XYLT1: variants seen among roughly 807,000 people sequenced by gnomAD.
XYLT1 encodes xylosyltransferase 1.
Under a neutral mutation model 91.3 loss-of-function variants are expected in XYLT1, and 36 were observed. The ratio of observed to expected loss-of-function variants is 0.39; its 90% CI spans 0.30 to 0.52. The LOEUF is 0.52. Among genes scored for constraint, XYLT1 ranks in the 20% least tolerant of loss-of-function variants. XYLT1 has a pLI of 0.68. For synonymous variants in XYLT1, 588 were observed against 532.0 expected, an observed-to-expected ratio of 1.11 and a Z score of -1.45; for missense variants, 1,242 against 1,284.5, an observed-to-expected ratio of 0.97 and a Z score of 0.51.
chr16:17,399,020 C>T (rs1175464884), intron 1 of XYLT1, among the ~76,000 whole-genome samples: 1 of 151,778 alleles, frequency 6.6e-6, no homozygotes, highest in Non-Finnish European at 1.5e-5. Context: ...AATTAAAATG[C>T]CCCCTTTTTA....
intron 1 of XYLT1, among the ~76,000 whole-genome samples, chr16:17,438,377 A>G (rs2036487569): frequency 6.6e-6 from 1 of 152,208 alleles, no homozygotes. Context: ...TACTTCACCA[A>G]AAAAGCCTAT....
intron 8 of XYLT1, among the ~76,000 whole-genome samples, chr16:17,137,080 CT>C (rs920427609): frequency 2.6e-5 from 4 of 152,242 alleles, no homozygotes; most frequent in African/African-American, 7.2e-5. Context: ...AGGCAGCCCC[CT>C]GTCTGCCAGC....
At chr16:17,182,454 C>G (rs1360579401) in intron 5 of XYLT1, among the ~76,000 whole-genome samples, 1 of 152,104 alleles carries the variant, frequency 6.6e-6, no homozygotes, top group Non-Finnish European at 1.5e-5. Context: ...TGCTTATGAT[C>G]TCATTTTACC....
At position 17,205,052 on chromosome 16, in the gene XYLT1, G is replaced by C. The variant is rs551681707; in HGVS notation, c.914-4398C>G. ...ACAGAAAATAAGTGGAAAAATCAGAGTGATTAGAGGCAGCAGGAGAAGCTG... is the reference window on the plus strand; with the variant it reads ...ACAGAAAATAAGTGGAAAAATCAGACTGATTAGAGGCAGCAGGAGAAGCTG... On this transcript the variant is annotated intron_variant, in intron 3 of 11. Transcript: ENST00000261381. 2.0e-5 allele frequency among the ~76,000 whole-genome samples: 3 copies of C among 151,804 alleles called. No homozygotes were observed. The South Asian group carries it at 6.2e-4, about 32-fold the overall frequency.
chr16:17,310,095 C>G (rs2034524320), intron 2 of XYLT1, among the ~76,000 whole-genome samples: 1 of 152,180 alleles, frequency 6.6e-6, no homozygotes, highest in Admixed American at 6.5e-5. Flanking sequence ...TGCCCGCACA[C>G]TTCTTGAACA....
intron 1 of XYLT1, among the ~76,000 whole-genome samples, chr16:17,461,526 T>C (rs769925942): frequency 2.0e-5 from 3 of 152,024 alleles, no homozygotes; most frequent in Admixed American, 6.6e-5. Context: ...GATGGGTAGA[T>C]AGGTGGATGA....
intron 1 of XYLT1, among the ~76,000 whole-genome samples, chr16:17,390,556 G>C (rs920480903): frequency 1.3e-5 from 2 of 152,214 alleles, no homozygotes; most frequent in Non-Finnish European, 2.9e-5. Flanking sequence ...AATTATGACA[G>C]TGAAAGAGGT....
At chr16:17,454,021 GA>G (rs2036702738) in intron 1 of XYLT1, among the ~76,000 whole-genome samples, 1 of 152,146 alleles carries the variant, frequency 6.6e-6, no homozygotes, top group African/African-American at 2.4e-5. Context: ...GACTAATTAT[GA>G]AAATAAGCCT....
chr16:17,227,636 G>A (rs2033090332), intron 3 of XYLT1: 1 of 152,292 alleles, frequency 6.6e-6, no homozygotes, highest in South Asian at 2.1e-4. Flanking sequence ...CTTGTTTGAT[G>A]AGGGTTTTCA....
rs532402496 is a variant in XYLT1 at position 17,438,516 on chromosome 16, C to T, written c.363+31918G>A. Among the ~76,000 whole-genome samples, 30 of 152,270 alleles carry T rather than the reference C, an allele frequency of 2.0e-4. No homozygotes were observed. The South Asian group carries it at 5.6e-3, about 28-fold the overall frequency. ...TACTTGACTATATGTAAGGTAGACA[C>T]TGATAGCATGGGTGCCTGAATCAGA... On this transcript the variant is annotated intron_variant, in intron 1 of 11. Transcript: ENST00000261381.
intron 2 of XYLT1, among the ~76,000 whole-genome samples, chr16:17,272,301 T>C (rs954072755): frequency 8.6e-5 from 13 of 151,828 alleles, no homozygotes; most frequent in Non-Finnish European, 1.5e-4. Flanking sequence ...TAGCTGGGAT[T>C]ACAGATGCGC....
At chr16:17,146,031 A>G (rs2031123048) in intron 6 of XYLT1, among the ~76,000 whole-genome samples, 1 of 152,210 alleles carries the variant, frequency 6.6e-6, no homozygotes, top group Non-Finnish European at 1.5e-5. Flanking sequence ...TACTGTGATG[A>G]GGAGACTTCA....
At chr16:17,463,170 G>T (rs2036843899) in intron 1 of XYLT1, among the ~76,000 whole-genome samples, 1 of 151,388 alleles carries the variant, frequency 6.6e-6, no homozygotes, top group Admixed American at 6.6e-5. Context: ...CGCTGAGCAA[G>T]AATTTTTTTT....
At chr16:17,184,189 T>A (rs1280118083) in intron 5 of XYLT1, among the ~76,000 whole-genome samples, 1 of 122,578 alleles carries the variant, frequency 8.2e-6, no homozygotes, top group Non-Finnish European at 1.8e-5. Context: ...AGACGGCTTT[T>A]TTTTTTTTTT....
chr16:17,464,911 C>T (rs1036224039), intron 1 of XYLT1, among the ~76,000 whole-genome samples: 7 of 151,858 alleles, frequency 4.6e-5, no homozygotes, highest in African/African-American at 1.7e-4. Context: ...TTTTGGGAGG[C>T]CGAGGCGGGC....
intron 2 of XYLT1, among the ~76,000 whole-genome samples, chr16:17,345,168 T>G (rs67209762): frequency 0.14 from 21,469 of 152,224 alleles, 2,135 homozygotes; most frequent in African/African-American, 0.27. Context: ...TGACCACTCG[T>G]CATCCAGGCA....
chr16:17,362,535 C>T (rs2035398336), intron 1 of XYLT1, among the ~76,000 whole-genome samples: 1 of 152,174 alleles, frequency 6.6e-6, no homozygotes, highest in South Asian at 2.1e-4. Flanking sequence ...GGTCTTAGAG[C>T]AATGAAACTT....
At chr16:17,315,701 G>A (rs2034620528) in intron 2 of XYLT1, among the ~76,000 whole-genome samples, 2 of 152,322 alleles carry the variant, frequency 1.3e-5, no homozygotes, top group African/African-American at 4.8e-5. Context: ...GGCAGACACA[G>A]AATTAGCTTC....
chr16:17,352,623 T>C (rs929818277), intron 2 of XYLT1, among the ~76,000 whole-genome samples: 1 of 152,160 alleles, frequency 6.6e-6, no homozygotes, highest in Non-Finnish European at 1.5e-5. Context: ...ACATCTCACC[T>C]CCTGGGCTCA....
Sources: gnomAD v4.1 joint callset for allele counts (sites outside exome capture counted in the v4.1 genomes callset) on GRCh38, gnomAD v4.1.1 for gene constraint, MANE v1.5 for transcripts, NCBI Gene and HGNC (gene_info 2026-07-23, HGNC 2026-07-21) for gene names.